The following BPTF variants were observed in gnomAD, a reference collection of about 807,000 sequenced individuals.
BPTF encodes the protein bromodomain PHD finger transcription factor, also known as nucleosome-remodeling factor subunit BPTF.
In BPTF, 18 loss-of-function variants were observed where a neutral mutation model predicts 292.5. The observed-to-expected ratio is 0.06, with a 90% CI of 0.04 to 0.09. The LOEUF (loss-of-function observed/expected upper bound fraction) is 0.09. Among genes scored for constraint, BPTF ranks in the 10% least tolerant of loss-of-function variants. The probability of loss-of-function intolerance (pLI) is 1.00; values close to 1 mark genes in which losing one functional copy is unlikely to be tolerated. For synonymous variants in BPTF, 1,225 were observed against 1,251.9 expected (o/e 0.98, Z 0.45); for missense variants, 2,726 against 3,498.7 (o/e 0.78, Z 5.57).
At chr17:67,971,839 A>G (rs1555691146) in intron 26 of BPTF, among the ~76,000 whole-genome samples, 1 of 151,946 alleles carries the variant, frequency 6.6e-6, no homozygotes, top group Non-Finnish European at 1.5e-5. Flanking sequence ...AAAAAAAAAA[A>G]AAAAAGAGAA....
At chr17:67,924,123 T>C (rs114480971) in intron 14 of BPTF, among the ~76,000 whole-genome samples, 2,610 of 152,270 alleles carry the variant, frequency 0.017, 64 homozygotes, top group African/African-American at 0.055. Context: ...CTCAGGCAGG[T>C]GGCCACCACC....
intron 24 of BPTF, among the ~76,000 whole-genome samples, chr17:67,960,709 T>A (rs2067397759): frequency 6.6e-6 from 1 of 152,222 alleles, no homozygotes; most frequent in Non-Finnish European, 1.5e-5. Flanking sequence ...AAACTGATCA[T>A]TTAGAATCAA....
At chr17:67,975,298 T>C (rs2148597877) in intron 26 of BPTF, 1 of 152,806 alleles carries the variant, frequency 6.5e-6, no homozygotes, top group South Asian at 2.1e-4. Flanking sequence ...AGTATCACTT[T>C]GTCACAAATA....
intron 1 of BPTF, among the ~76,000 whole-genome samples, chr17:67,840,345 A>C (rs957988444): frequency 2.0e-5 from 3 of 152,040 alleles, no homozygotes; most frequent in African/African-American, 4.8e-5. Context: ...GGGCTCAAGC[A>C]ATCCACCTGC....
Position 67,838,625 on chromosome 17 carries a change from C to T in BPTF, c.613+12288C>T, listed in dbSNP as rs187478035. Among the ~76,000 whole-genome samples, 346 of 152,204 alleles carry T rather than the reference C, an allele frequency of 2.3e-3. 2 individuals carry two copies. Among genetic ancestry groups the T allele is most frequent in the African/African-American group, 7.7e-3 (319 of 41,506 alleles). ...CAGAGTAGCTGGGACTACAGGTGCT[C>T]GCTGCCATGCCTGGCTAGTTTTTTA... On this transcript the variant is annotated intron_variant, in intron 1 of 27. Transcript: ENST00000306378.
intron 4 of BPTF, among the ~76,000 whole-genome samples, chr17:67,882,413 C>T (rs1172023707): frequency 1.3e-5 from 2 of 152,148 alleles, no homozygotes; most frequent in Non-Finnish European, 2.9e-5. Flanking sequence ...AGATAGCATA[C>T]TTAGTTTCTT....
chr17:67,844,678 G>A (rs2057898314), intron 1 of BPTF, among the ~76,000 whole-genome samples: 1 of 151,878 alleles, frequency 6.6e-6, no homozygotes, highest in Admixed American at 6.6e-5. Context: ...TAGGATTGCA[G>A]GGGTGAACCA....
chr17:67,964,789 A>G (rs1205753796), intron 25 of BPTF, among the ~76,000 whole-genome samples: 1 of 150,980 alleles, frequency 6.6e-6, no homozygotes, highest in Non-Finnish European at 1.5e-5. Flanking sequence ...TCACAAGGTC[A>G]GGAGATCAGA....
intron 26 of BPTF, among the ~76,000 whole-genome samples, chr17:67,972,442 G>C (rs1367516490): frequency 6.6e-6 from 1 of 152,062 alleles, no homozygotes; most frequent in African/African-American, 2.4e-5. Context: ...GTTTCACCAT[G>C]TTGGTTGACC....
intron 2 of BPTF, among the ~76,000 whole-genome samples, chr17:67,860,817 C>G (rs1018659617): frequency 2.0e-5 from 3 of 152,202 alleles, no homozygotes; most frequent in Non-Finnish European, 4.4e-5. Flanking sequence ...CTTGGCCTCC[C>G]AAAGCGCTAG....
chr17:67,830,515 TGCA>T (rs1188147574), intron 1 of BPTF, among the ~76,000 whole-genome samples: 2 of 152,088 alleles, frequency 1.3e-5, no homozygotes, highest in Non-Finnish European at 2.9e-5. Flanking sequence ...AGGTACGCAG[TGCA>T]GTGGGCATTT....
chr17:67,828,478 G>A (rs1044787667), intron 1 of BPTF, among the ~76,000 whole-genome samples: 1 of 152,190 alleles, frequency 6.6e-6, no homozygotes, highest in African/African-American at 2.4e-5. Context: ...ACAATTTGTA[G>A]CTAGGTGTCC....
At chr17:67,928,209 C>A in intron 15 of BPTF, 146 bp from the exon 16 acceptor site, 1 of 889,574 alleles carries the variant, frequency 1.1e-6, no homozygotes, top group Non-Finnish European at 1.7e-6. Flanking sequence ...TTTATATGGA[C>A]ATATATTCTT....
At chr17:67,871,018 G>A (rs936650802) in intron 3 of BPTF, among the ~76,000 whole-genome samples, 2 of 151,720 alleles carry the variant, frequency 1.3e-5, no homozygotes, top group African/African-American at 2.4e-5. Flanking sequence ...TGATCCGCCC[G>A]CCTCGGCCTC....
chr17:67,884,455 A>C (rs1598421784), intron 4 of BPTF, among the ~76,000 whole-genome samples: 1 of 149,504 alleles, frequency 6.7e-6, no homozygotes, highest in African/African-American at 2.5e-5. Flanking sequence ...TCACTTTGTT[A>C]CCCAGGCTAG....
At position 67,894,096 on chromosome 17, in the gene BPTF, C is replaced by T; in HGVS notation, c.2474C>T (p.Ala825Val). Reference protein sequence around the residue: ...SKPREFALALAILECAVKPVV... With the variant: ...SKPREFALALVILECAVKPVV... Reference sequence around the variant, plus strand: ...CCCAGAGAATTTGCATTGGCTTTAGCCATTTTGGAGTGTGCAGTTAAACCA... The same window carrying T: ...CCCAGAGAATTTGCATTGGCTTTAGTCATTTTGGAGTGTGCAGTTAAACCA... Residue 825 changes from alanine to valine, a missense_variant, in exon 7 of 28, where the codon GCC becomes GTC. Transcript: ENST00000306378. 6.2e-7 allele frequency: 1 copy of T among 1,614,074 alleles called. No homozygotes were observed. Among genetic ancestry groups the T allele is most frequent in the Non-Finnish European group, 8.5e-7 (1 of 1,179,940 alleles).
intron 7 of BPTF, among the ~76,000 whole-genome samples, chr17:67,900,922 T>C (rs751368771): frequency 5.3e-5 from 8 of 149,908 alleles, no homozygotes; most frequent in Non-Finnish European, 1.0e-4. Context: ...GCCTAGAAGT[T>C]GGAGGAGGAT....
intron 1 of BPTF, among the ~76,000 whole-genome samples, chr17:67,834,540 C>A (rs2056976819): frequency 1.3e-5 from 2 of 152,046 alleles, no homozygotes; most frequent in South Asian, 4.1e-4. Flanking sequence ...GTCTGTTTCT[C>A]CTTGAAGTTC....
At chr17:67,922,477 C>T (rs557636479) in intron 13 of BPTF, among the ~76,000 whole-genome samples, 1 of 152,026 alleles carries the variant, frequency 6.6e-6, no homozygotes, top group Non-Finnish European at 1.5e-5. Context: ...ATGTTGGGGT[C>T]CAGAGGATGA....
Sources: gnomAD v4.1 joint callset for allele counts (sites outside exome capture counted in the v4.1 genomes callset) on GRCh38, gnomAD v4.1.1 for gene constraint, MANE v1.5 for transcripts, NCBI Gene and HGNC (gene_info 2026-07-23, HGNC 2026-07-21) for gene names.